Variants in NAMPT observed in about 807,000 individuals in gnomAD.
The protein encoded by NAMPT is nicotinamide phosphoribosyltransferase.
NAMPT carries 7 observed loss-of-function variants against 58.7 expected under a neutral mutation model. That is an observed-to-expected ratio of 0.12 (90% CI 0.07 to 0.22). NAMPT has a LOEUF of 0.22. Ranked by LOEUF, NAMPT falls within the 10% of genes least tolerant of loss-of-function variation. NAMPT has a pLI of 1.00. For synonymous variants in NAMPT, 145 were observed against 198.1 expected, an observed-to-expected ratio of 0.73 and a Z score of 2.25; for missense variants, 271 against 567.9, an observed-to-expected ratio of 0.48 and a Z score of 5.31.
chr7:106,273,393 A>G (rs981869404), intron 3 of NAMPT, among the ~76,000 whole-genome samples: 2 of 152,192 alleles, frequency 1.3e-5, no homozygotes, highest in Non-Finnish European at 2.9e-5. Context: ...AAATCCTGAT[A>G]ATTTATTTAT....
intron 8 of NAMPT, among the ~76,000 whole-genome samples, chr7:106,255,829 C>A (rs1245418030): frequency 6.6e-6 from 1 of 151,722 alleles, no homozygotes; most frequent in Non-Finnish European, 1.5e-5. Flanking sequence ...AAGAGTAGAA[C>A]AGAAAAGGGG....
chr7:106,259,959 T>C (rs926204744), intron 8 of NAMPT, among the ~76,000 whole-genome samples: 12 of 149,206 alleles, frequency 8.0e-5, no homozygotes, highest in African/African-American at 3.0e-4. Flanking sequence ...TAAACAGACA[T>C]GCTGTCATCC....
At chr7:106,265,580 A>C (rs1160623952) in intron 6 of NAMPT, among the ~76,000 whole-genome samples, 3 of 151,576 alleles carry the variant, frequency 2.0e-5, no homozygotes, top group Non-Finnish European at 2.9e-5. Flanking sequence ...AAAAAAAAAA[A>C]AAAAAAAAGT....
chr7:106,267,877 C>CAAA (rs1792456550), intron 6 of NAMPT, among the ~76,000 whole-genome samples: 1 of 56,790 alleles, frequency 1.8e-5, no homozygotes, highest in African/African-American at 5.7e-5. Context: ...AAAAAAAAAA[C>CAAA]AACCTGATTT....
At chr7:106,261,812 A>C in intron 7 of NAMPT, 105 bp from the exon 8 acceptor site, 1 of 1,249,888 alleles carries the variant, frequency 8.0e-7, no homozygotes, top group Non-Finnish European at 1.1e-6. Context: ...GAATATAAAA[A>C]TTAACTACTT....
Position 106,250,115 on chromosome 7 carries a change from A to G in NAMPT, c.*968T>C, listed in dbSNP as rs949713659. The G allele has an allele frequency of 7.2e-5, 11 of 152,490 alleles. No individual in the cohort carries two copies. The highest frequency in any genetic ancestry group is 2.7e-4 in the African/African-American group (11 of 41,418). The allele number at this position is 152,490 out of a possible 1,614,324, so 9.4% of individuals were successfully genotyped here. A position where few individuals can be genotyped will look rare whatever the true frequency, so the allele number is the denominator to read the frequency against. On this transcript the variant is annotated 3_prime_UTR_variant, in exon 11 of 11. Coordinates refer to ENST00000222553, the MANE Select transcript of NAMPT (RefSeq NM_005746.3). Reference sequence around the variant, plus strand: ...TAACAGAATTGAAACATTTAAGTACACTCACTACCCACTCCAGTAATTCAT... The same window carrying G: ...TAACAGAATTGAAACATTTAAGTACGCTCACTACCCACTCCAGTAATTCAT...
At chr7:106,284,738 A>G (rs1310873290) in intron 1 of NAMPT, 90 bp downstream of exon 1, 16 of 485,970 alleles carry the variant, frequency 3.3e-5, no homozygotes, top group African/African-American at 2.0e-4. Flanking sequence ...CCCAGCCCCA[A>G]CCCCAGCCCC....
intron 3 of NAMPT, 133 bp from the exon 4 acceptor site, chr7:106,272,791 T>A: frequency 1.2e-6 from 1 of 844,902 alleles, no homozygotes; most frequent in Non-Finnish European, 1.8e-6. Flanking sequence ...GATGTTACTG[T>A]AATCTAGTCA....
At position 106,253,276 on chromosome 7, in the gene NAMPT, T is replaced by C. The variant is rs953805060; in HGVS notation, c.1231-125A>G. The stretch of plus-strand genomic sequence containing the variant: ...GTTTTAAGCACTTAATAGGTATAAC[T>C]GAACCAATCCACATCTGGCTTTCAG... On this transcript the variant is annotated intron_variant, in intron 9 of 10. Transcript: ENST00000222553. 5 of 941,976 alleles carry C rather than the reference T, an allele frequency of 5.3e-6. 1 individual carries two copies. The highest frequency in any genetic ancestry group is 7.9e-6 in the Non-Finnish European group (5 of 635,240). 58.4% of individuals were successfully genotyped at this position (941,976 alleles called of 1,614,324 possible). A position where few individuals can be genotyped will look rare whatever the true frequency, so the allele number is the denominator to read the frequency against.
intron 8 of NAMPT, among the ~76,000 whole-genome samples, chr7:106,261,124 T>TA (rs1792294119): frequency 1.3e-5 from 2 of 152,190 alleles, no homozygotes; most frequent in Admixed American, 6.5e-5. Context: ...GCATAACACT[T>TA]ATACTATCTG....
At chr7:106,281,615 A>G (rs1461117747) in intron 1 of NAMPT, among the ~76,000 whole-genome samples, 2 of 152,238 alleles carry the variant, frequency 1.3e-5, no homozygotes, top group African/African-American at 4.8e-5. Flanking sequence ...TGTGCTAGAA[A>G]CAGCAAAAAC....
chr7:106,277,397 C>T (rs1439173913), intron 1 of NAMPT, among the ~76,000 whole-genome samples: 1 of 152,174 alleles, frequency 6.6e-6, no homozygotes, highest in Non-Finnish European at 1.5e-5. Context: ...ATTTTACATA[C>T]AAGCACACTA....
At chr7:106,279,427 A>G (rs1420138708) in intron 1 of NAMPT, among the ~76,000 whole-genome samples, 1 of 103,304 alleles carries the variant, frequency 9.7e-6, no homozygotes, top group African/African-American at 2.6e-5. Flanking sequence ...GTCTACTTAT[A>G]GGGGTATATG....
chr7:106,272,711 C>T, intron 3 of NAMPT, 53 bp from the exon 4 acceptor site: 1 of 1,592,548 alleles, frequency 6.3e-7, no homozygotes, highest in South Asian at 1.1e-5. Flanking sequence ...ACTCAATTCC[C>T]TGCTGTTTTA....
At chr7:106,258,243 T>C (rs1488386576) in intron 8 of NAMPT, among the ~76,000 whole-genome samples, 1 of 152,224 alleles carries the variant, frequency 6.6e-6, no homozygotes, top group Non-Finnish European at 1.5e-5. Context: ...CGCCTCATAT[T>C]GGAACTCTAA....
At position 106,268,986 on chromosome 7, in the gene NAMPT, T is replaced by C. The variant is rs557025821; in HGVS notation, c.606+168A>G. On this transcript the variant is annotated intron_variant, in intron 5 of 10. Coordinates refer to ENST00000222553, the MANE Select transcript of NAMPT (RefSeq NM_005746.3). ...GGACAGGGACATCTGTTGAAGGACA[T>C]ATCCCATGTACCCTGAACACAGTAG... Among the ~76,000 whole-genome samples, 5 of 152,322 alleles carry C rather than the reference T, an allele frequency of 3.3e-5. No individual in the cohort carries two copies. In the South Asian group the frequency reaches 1.0e-3, roughly 32 times the overall value.
At chr7:106,279,267 C>T (rs1360394107) in intron 1 of NAMPT, among the ~76,000 whole-genome samples, 12 of 152,248 alleles carry the variant, frequency 7.9e-5, no homozygotes, top group African/African-American at 2.6e-4. Context: ...CTCTAAAAAT[C>T]TTTGGAGAAC....
At position 106,250,899 on chromosome 7, in the gene NAMPT, A is replaced by G. The variant is rs957078522; in HGVS notation, c.*184T>C. ...GCTTACTTTAGCACTCATCTTTTAC[A>G]TGGTTAAATGCATTTCCTAATTTGA... On this transcript the variant is annotated 3_prime_UTR_variant, in exon 11 of 11. Transcript: ENST00000222553. The G allele has an allele frequency of 6.8e-6, 4 of 586,238 alleles. No individual in the cohort carries two copies. The highest frequency in any genetic ancestry group is 6.0e-5 in the East Asian group (2 of 33,606). The allele number at this position is 586,238 out of a possible 1,614,324, so 36.3% of individuals were successfully genotyped here.
chr7:106,254,985 A>G (rs1792173312), intron 8 of NAMPT, among the ~76,000 whole-genome samples: 1 of 152,182 alleles, frequency 6.6e-6, no homozygotes, highest in African/African-American at 2.4e-5. Flanking sequence ...AATCAAAGAT[A>G]TTGGTGGCAA....
Sources: allele counts gnomAD v4.1 joint callset (sites outside exome capture counted in the v4.1 genomes callset), GRCh38; gene constraint gnomAD v4.1.1; transcripts MANE v1.5; gene names NCBI Gene and HGNC (gene_info 2026-07-23, HGNC 2026-07-21).